The following RASSF3 variants were observed in gnomAD, a reference collection of about 807,000 sequenced individuals.
The protein encoded by RASSF3 is Ras association domain family member 3, also known as ras association domain-containing protein 3.
RASSF3 carries 19 observed loss-of-function variants against 19.9 expected under a neutral mutation model. The ratio of observed to expected loss-of-function variants is 0.96; its 90% CI spans 0.67 to 1.40. The LOEUF (loss-of-function observed/expected upper bound fraction) is 1.40, where lower values mean the gene tolerates loss of function less well. RASSF3 is among the 40% of genes most tolerant of loss of function. RASSF3 has a pLI of 0.00. For missense variants in RASSF3, 306 were observed against 289.8 expected, an observed-to-expected ratio of 1.06 and a Z score of -0.41; for synonymous variants, 110 against 104.2, an observed-to-expected ratio of 1.06 and a Z score of -0.34.
At chr12:64,542,573 A>G (rs1274401087), downstream of RASSF3, among the ~76,000 whole-genome samples, 1 of 152,172 alleles carries the variant, frequency 6.6e-6, no homozygotes, top group Non-Finnish European at 1.5e-5. Flanking sequence ...CTCCTGACAC[A>G]TCAAGGTTCT....
intron 1 of RASSF3, among the ~76,000 whole-genome samples, chr12:64,652,920 A>G (rs187534412): frequency 5.3e-5 from 8 of 152,318 alleles, no homozygotes; most frequent in East Asian, 1.9e-4. Context: ...TCTGGGGGCT[A>G]TAAGTTCTGG....
intron 1 of RASSF3, among the ~76,000 whole-genome samples, chr12:64,611,203 T>C (rs1194928366): frequency 7.2e-5 from 11 of 152,028 alleles, no homozygotes; most frequent in African/African-American, 2.2e-4. Context: ...GGTGGCCGGG[T>C]GACCTGACCT....
chr12:64,511,167 A>AT (rs1868325773), intron 1 of RASSF3, among the ~76,000 whole-genome samples: 1 of 152,192 alleles, frequency 6.6e-6, no homozygotes, highest in South Asian at 2.1e-4. Flanking sequence ...GTATGTCACC[A>AT]TGTCCTTCAT....
chr12:64,526,386 T>G (rs1187395084), intron 1 of RASSF3, among the ~76,000 whole-genome samples: 1 of 152,176 alleles, frequency 6.6e-6, no homozygotes, highest in African/African-American at 2.4e-5. Flanking sequence ...GTCACTATGT[T>G]GTACAATAGA....
intron 3 of RASSF3, among the ~76,000 whole-genome samples, chr12:64,690,472 A>G (rs1372787890): frequency 1.3e-5 from 2 of 152,088 alleles, no homozygotes; most frequent in African/African-American, 4.8e-5. Context: ...GGTATGAGCC[A>G]CCACGCCTGG....
chr12:64,569,459 T>C (rs1439583753), intron 2 of RASSF3, among the ~76,000 whole-genome samples: 1 of 152,210 alleles, frequency 6.6e-6, no homozygotes, highest in Admixed American at 6.5e-5. Flanking sequence ...CCTTCCCACC[T>C]GGCTGCTAAA....
intron 2 of RASSF3, among the ~76,000 whole-genome samples, chr12:64,571,870 G>A (rs896097365): frequency 6.6e-6 from 1 of 152,136 alleles, no homozygotes; most frequent in Non-Finnish European, 1.5e-5. Flanking sequence ...AAGGCTTGCT[G>A]GTATAGACAG....
At chr12:64,669,915 G>T (rs893414778) in intron 1 of RASSF3, among the ~76,000 whole-genome samples, 7 of 146,870 alleles carry the variant, frequency 4.8e-5, no homozygotes, top group African/African-American at 1.8e-4. Flanking sequence ...AAAAAAAATT[G>T]CTGGCAATCT....
Position 64,514,423 on chromosome 12 carries a change from G to T in RASSF3, c.169+7094G>T, listed in dbSNP as rs182302336. ...GATGGTCCCGATCTCTTGACCTCGT[G>T]ATCTGTCCACCTCAGCTTCCCAAAG... On this transcript the variant is annotated intron_variant, in intron 1 of 5. Coordinates refer to the RASSF3 transcript ENST00000637125. Among the ~76,000 whole-genome samples, 421 of 152,186 alleles carry T rather than the reference G, an allele frequency of 2.8e-3. 4 individuals are homozygous for T. The highest frequency in any genetic ancestry group is 9.7e-3 in the African/African-American group (401 of 41,544).
chr12:64,677,657 G>C (rs1489036072), intron 1 of RASSF3, among the ~76,000 whole-genome samples: 1 of 152,174 alleles, frequency 6.6e-6, no homozygotes, highest in Non-Finnish European at 1.5e-5. Context: ...ATACAAAACT[G>C]TCCCAGGTGG....
At chr12:64,686,610 C>CA (rs942183903) in intron 2 of RASSF3, among the ~76,000 whole-genome samples, 5 of 151,470 alleles carry the variant, frequency 3.3e-5, no homozygotes, top group Admixed American at 6.6e-5. Context: ...GACTCCATCT[C>CA]AAAAAAAAGA....
At chr12:64,600,644 C>T (rs943974571) in intron 2 of RASSF3, among the ~76,000 whole-genome samples, 14 of 152,050 alleles carry the variant, frequency 9.2e-5, no homozygotes, top group South Asian at 2.1e-4. Context: ...ATCTTTGTAG[C>T]GTGACTGAAA....
At chr12:64,527,996 C>T (rs991505375) in intron 1 of RASSF3, among the ~76,000 whole-genome samples, 3 of 151,220 alleles carry the variant, frequency 2.0e-5, no homozygotes, top group Admixed American at 2.0e-4. Flanking sequence ...TGGTGGCTCA[C>T]GCCTGTAATC....
upstream of RASSF3, among the ~76,000 whole-genome samples, chr12:64,608,583 C>A (rs549396164): frequency 3.9e-5 from 6 of 152,306 alleles, no homozygotes; most frequent in Non-Finnish European, 7.4e-5. Context: ...CAGGCGTGAG[C>A]CATCGCGCCC....
At chr12:64,593,762 T>A (rs1045690057) in intron 2 of RASSF3, among the ~76,000 whole-genome samples, 1 of 151,998 alleles carries the variant, frequency 6.6e-6, no homozygotes, top group Non-Finnish European at 1.5e-5. Flanking sequence ...TCCTTTTTAT[T>A]TGAAGGGTCA....
At chr12:64,620,014 CTGTGTGTGTG>C (rs68044550) in intron 1 of RASSF3, among the ~76,000 whole-genome samples, 3 of 134,168 alleles carry the variant, frequency 2.2e-5, no homozygotes, top group Non-Finnish European at 3.1e-5. Flanking sequence ...TGCAGGTTGA[CTGTGTGTGTG>C]TGTGTGTGTG....
chr12:64,660,814 G>A (rs1242754813), intron 1 of RASSF3, among the ~76,000 whole-genome samples: 1 of 152,156 alleles, frequency 6.6e-6, no homozygotes, highest in Non-Finnish European at 1.5e-5. Flanking sequence ...CTTGTCTCGT[G>A]CTTAGTAGTC....
chr12:64,521,436 G>A (rs576110393), intron 1 of RASSF3, among the ~76,000 whole-genome samples: 1 of 152,180 alleles, frequency 6.6e-6, no homozygotes, highest in Admixed American at 6.5e-5. Context: ...TATGTCCTTG[G>A]TGTCAAAGAC....
rs772202301 is a variant in RASSF3, at chr12:64,688,385, A to G, written c.389A>G (p.Lys130Arg). 4 of 1,614,240 alleles carry G rather than the reference A, an allele frequency of 2.5e-6. No individual in the cohort carries two copies. In the East Asian group the frequency reaches 6.7e-5, roughly 27 times the overall value. The stretch of plus-strand genomic sequence containing the variant: ...GGGGAAGTGATCGAGGCCCTGCTCA[A>G]AAAGTTTCTCGTGACTGAGAGCCCT... Reference protein sequence around the residue: ...TVGEVIEALLKKFLVTESPAK... With the variant: ...TVGEVIEALLRKFLVTESPAK... Residue 130 changes from lysine (K) to arginine (R), a missense_variant, in exon 3 of 5, where the codon AAA (lysine) becomes AGA (arginine). Coordinates refer to ENST00000542104, the MANE Select transcript of RASSF3 (RefSeq NM_178169.4).
Sources: allele counts gnomAD v4.1 joint callset (sites outside exome capture counted in the v4.1 genomes callset), GRCh38; gene constraint gnomAD v4.1.1; transcripts MANE v1.5; gene names NCBI Gene and HGNC (gene_info 2026-07-23, HGNC 2026-07-21).